PDE4D: variants seen among roughly 807,000 people sequenced by gnomAD.
The protein encoded by PDE4D is phosphodiesterase 4D.
A neutral mutation model predicts 87.4 loss-of-function variants in PDE4D; 24 were observed. The ratio of observed to expected loss-of-function variants is 0.27; its 90% confidence interval spans 0.20 to 0.39. The LOEUF is 0.39. PDE4D is among the 10% of genes least tolerant of loss of function. PDE4D has a pLI of 1.00. For synonymous variants in PDE4D, 384 were observed against 383.2 expected (o/e 1.00, Z -0.02); for missense variants, 714 against 1,041.0 (o/e 0.69, Z 4.32).
intron 1 of PDE4D, among the ~76,000 whole-genome samples, chr5:59,676,752 A>G (rs1748156948): frequency 6.6e-6 from 1 of 152,184 alleles, no homozygotes; most frequent in South Asian, 2.1e-4. Context: ...GTATTAGCAT[A>G]TGTTCCAACA....
chr5:59,216,582 G>C (rs1751313172), intron 1 of PDE4D, among the ~76,000 whole-genome samples: 1 of 152,096 alleles, frequency 6.6e-6, no homozygotes, highest in Non-Finnish European at 1.5e-5. Context: ...ATTGCTCTCA[G>C]GATGAAGTCA....
chr5:59,205,663 C>T (rs1301640917), intron 2 of PDE4D, among the ~76,000 whole-genome samples: 12 of 146,946 alleles, frequency 8.2e-5, no homozygotes, highest in Admixed American at 4.1e-4. Flanking sequence ...AACACACACA[C>T]ACACACACAC....
chr5:59,236,370 G>A (rs67196739), intron 1 of PDE4D, among the ~76,000 whole-genome samples: 48,015 of 152,048 alleles, frequency 0.32, 8,069 homozygotes, highest in Admixed American at 0.41. Context: ...TAAAGAGATT[G>A]TCCTTTTCAA....
At chr5:60,180,943 T>A (rs1784329857) in intron 2 of PDE4D, among the ~76,000 whole-genome samples, 1 of 152,140 alleles carries the variant, frequency 6.6e-6, no homozygotes, top group Admixed American at 6.6e-5. Flanking sequence ...GCTTTGTCAA[T>A]CTCGTAGCTT....
At chr5:59,706,010 G>T (rs1362942) in intron 1 of PDE4D, among the ~76,000 whole-genome samples, 3 of 151,842 alleles carry the variant, frequency 2.0e-5, no homozygotes, top group Admixed American at 6.6e-5. Flanking sequence ...ATTAAATTAG[G>T]TTTAATATGA....
chr5:60,375,714 C>A (rs1761376392), intron 1 of PDE4D, among the ~76,000 whole-genome samples: 1 of 152,162 alleles, frequency 6.6e-6, no homozygotes, highest in Non-Finnish European at 1.5e-5. Flanking sequence ...ACAGGCTACA[C>A]AAAATACAGT....
At position 58,977,206 on chromosome 5, in the gene PDE4D, T is replaced by C. The variant is rs115807337; in HGVS notation, c.1692A>G (p.Lys564=). The C allele has an allele frequency of 9.6e-4, 1,549 of 1,610,308 alleles. 18 individuals are homozygous for C. In the African/African-American group the frequency reaches 0.018, roughly 19 times the overall value. ...AGCTACTTACGATGTCAATGACCAT[T>C]TTCCTTAAAGATTGTCTTTGTTTTT... The part of the protein sequence containing the change: ...LTKKQRQSLR[K]MVIDIVLATD... Residue 564 remains lysine (K), a synonymous_variant, in exon 12 of 15, where the codon AAA becomes AAG. Coordinates refer to ENST00000340635, the MANE Select transcript of PDE4D (RefSeq NM_001104631.2).
chr5:59,486,420 C>T (rs1805167313), intron 1 of PDE4D, among the ~76,000 whole-genome samples: 1 of 152,200 alleles, frequency 6.6e-6, no homozygotes, highest in Non-Finnish European at 1.5e-5. Context: ...CTAACAGCAA[C>T]AAACTTTTCA....
intron 1 of PDE4D, among the ~76,000 whole-genome samples, chr5:59,274,219 A>G (rs181669370): frequency 4.0e-4 from 61 of 152,222 alleles, no homozygotes; most frequent in South Asian, 1.2e-3. Context: ...TGCACGTGTT[A>G]TTTTGTAAGA....
chr5:59,411,244 T>C (rs2153620852), intron 1 of PDE4D, among the ~76,000 whole-genome samples: 1 of 152,320 alleles, frequency 6.6e-6, no homozygotes, highest in East Asian at 1.9e-4. Flanking sequence ...ATTAGCATTC[T>C]CAACTTTGTT....
At chr5:60,487,931 G>C (rs1475498741) in intron 1 of PDE4D, 3 of 152,518 alleles carry the variant, frequency 2.0e-5, no homozygotes, top group African/African-American at 7.2e-5. Flanking sequence ...AAAAATATCA[G>C]GATTACTCAC....
At chr5:59,988,393 C>T (rs908561934) in intron 3 of PDE4D, 1 of 690,146 alleles carries the variant, frequency 1.4e-6, no homozygotes, top group East Asian at 2.8e-5. Context: ...TTCTCCCACT[C>T]AAATCAAGCA....
intron 2 of PDE4D, among the ~76,000 whole-genome samples, chr5:60,159,318 T>C (rs1782269887): frequency 6.6e-6 from 1 of 152,224 alleles, no homozygotes; most frequent in Admixed American, 6.5e-5. Context: ...TTAACTTTTT[T>C]TTTTGTAAGT....
At chr5:59,191,503 T>C (rs1184430793) in intron 3 of PDE4D, among the ~76,000 whole-genome samples, 1 of 152,110 alleles carries the variant, frequency 6.6e-6, no homozygotes, top group African/African-American at 2.4e-5. Context: ...GTTACTTACA[T>C]TGTTATGCCA....
At chr5:59,240,942 T>A (rs1048044894) in intron 1 of PDE4D, among the ~76,000 whole-genome samples, 1 of 152,150 alleles carries the variant, frequency 6.6e-6, no homozygotes, top group African/African-American at 2.4e-5. Flanking sequence ...AGTCATTTAG[T>A]CTCTTTAAAT....
At chr5:59,255,922 T>C (rs75635085) in intron 1 of PDE4D, among the ~76,000 whole-genome samples, 2,353 of 152,242 alleles carry the variant, frequency 0.015, 62 homozygotes, top group African/African-American at 0.054. Flanking sequence ...TATTGTCTTA[T>C]AGTTGTGCAT....
At chr5:60,018,081 T>C (rs1459975001) in intron 2 of PDE4D, among the ~76,000 whole-genome samples, 1 of 152,146 alleles carries the variant, frequency 6.6e-6, no homozygotes, top group East Asian at 1.9e-4. Context: ...GTCTGTTGGC[T>C]GTATGTATGT....
chr5:59,818,369 C>T (rs938072520), intron 1 of PDE4D, among the ~76,000 whole-genome samples: 3 of 152,108 alleles, frequency 2.0e-5, no homozygotes, highest in Non-Finnish European at 4.4e-5. Flanking sequence ...AGTGCATGGA[C>T]CCATGCCTGA....
At chr5:59,529,568 C>CT (rs1266925323) in intron 1 of PDE4D, among the ~76,000 whole-genome samples, 1 of 152,104 alleles carries the variant, frequency 6.6e-6, no homozygotes, top group Admixed American at 6.5e-5. Flanking sequence ...GCACTGGTGT[C>CT]TTTTTTCATC....
Sources: allele counts gnomAD v4.1 joint callset (sites outside exome capture counted in the v4.1 genomes callset), GRCh38; gene constraint gnomAD v4.1.1; transcripts MANE v1.5; gene names NCBI Gene and HGNC (gene_info 2026-07-23, HGNC 2026-07-21).